ZBTB7C: variants seen among roughly 807,000 people sequenced by gnomAD.
ZBTB7C encodes zinc finger and BTB domain-containing protein 7C.
A neutral mutation model predicts 25.7 loss-of-function variants in ZBTB7C; 8 were observed. The observed-to-expected ratio is 0.31, with a 90% CI of 0.18 to 0.56. The LOEUF is 0.56. ZBTB7C is among the 20% of genes least tolerant of loss of function. ZBTB7C has a pLI of 0.91. For missense variants in ZBTB7C, 824 were observed against 855.2 expected, an observed-to-expected ratio of 0.96 and a Z score of 0.46; for synonymous variants, 394 against 369.0, an observed-to-expected ratio of 1.07 and a Z score of -0.78.
chr18:48,341,852 T>C (rs533531622), intron 1 of ZBTB7C, among the ~76,000 whole-genome samples: 1 of 152,324 alleles, frequency 6.6e-6, no homozygotes, highest in South Asian at 2.1e-4. Flanking sequence ...AAGTGTGATC[T>C]GGAGATGTTG....
At chr18:48,191,298 T>C (rs2042189139) in intron 2 of ZBTB7C, among the ~76,000 whole-genome samples, 1 of 152,192 alleles carries the variant, frequency 6.6e-6, no homozygotes, top group African/African-American at 2.4e-5. Context: ...GCCATGATGC[T>C]TGGTGGTTCA....
intron 4 of ZBTB7C, among the ~76,000 whole-genome samples, chr18:48,034,222 T>A (rs1382869963): frequency 1.3e-5 from 2 of 152,178 alleles, no homozygotes; most frequent in Admixed American, 1.3e-4. Context: ...CATGGCTTTC[T>A]GGGCTCTTCA....
chr18:48,378,626 C>CA (rs1412066948), intron 1 of ZBTB7C, among the ~76,000 whole-genome samples: 1 of 151,862 alleles, frequency 6.6e-6, no homozygotes, highest in African/African-American at 2.4e-5. Flanking sequence ...AAGAAAGCTT[C>CA]AAAATCAAAC....
intron 2 of ZBTB7C, among the ~76,000 whole-genome samples, chr18:48,326,510 A>T (rs1310029609): frequency 6.6e-6 from 1 of 152,210 alleles, no homozygotes; most frequent in African/African-American, 2.4e-5. Flanking sequence ...AAAGCAAAAA[A>T]ATTGGAAATG....
chr18:48,096,376 C>T (rs1222791790), intron 3 of ZBTB7C, among the ~76,000 whole-genome samples: 1 of 152,184 alleles, frequency 6.6e-6, no homozygotes, highest in Admixed American at 6.5e-5. Context: ...TCTTAATGCG[C>T]TTTCTGGGCA....
At chr18:48,196,366 T>C (rs1267150112) in intron 2 of ZBTB7C, among the ~76,000 whole-genome samples, 1 of 152,152 alleles carries the variant, frequency 6.6e-6, no homozygotes, top group Non-Finnish European at 1.5e-5. Flanking sequence ...GCAAACTAAC[T>C]TTACAGCTTT....
chr18:48,323,811 T>C (rs1381386021), intron 2 of ZBTB7C, among the ~76,000 whole-genome samples: 1 of 152,124 alleles, frequency 6.6e-6, no homozygotes, highest in East Asian at 1.9e-4. Flanking sequence ...AAACATCTAC[T>C]TATAACTGTA....
intron 2 of ZBTB7C, among the ~76,000 whole-genome samples, chr18:48,225,869 A>C (rs1250520666): frequency 2.0e-5 from 3 of 152,056 alleles, no homozygotes; most frequent in African/African-American, 7.2e-5. Context: ...CAGCCTCCCG[A>C]GTAGCTGGGA....
chr18:48,038,216 T>C (rs1460821329), intron 4 of ZBTB7C, among the ~76,000 whole-genome samples: 2 of 152,094 alleles, frequency 1.3e-5, no homozygotes, highest in African/African-American at 2.4e-5. Flanking sequence ...GCCGGGTGGC[T>C]GGCCTAGCTC....
chr18:48,221,786 A>T (rs747377627), intron 2 of ZBTB7C, among the ~76,000 whole-genome samples: 6 of 145,640 alleles, frequency 4.1e-5, no homozygotes, highest in Middle Eastern at 4.7e-3. Flanking sequence ...AGTTTCCTCT[A>T]TGCTGTCCCA....
intron 3 of ZBTB7C, among the ~76,000 whole-genome samples, chr18:48,140,580 G>A (rs896576297): frequency 6.6e-6 from 1 of 152,174 alleles, no homozygotes; most frequent in Non-Finnish European, 1.5e-5. Context: ...GTGGTTTGCT[G>A]ATGCATGCCT....
chr18:48,118,305 C>G (rs1216960065), intron 3 of ZBTB7C, among the ~76,000 whole-genome samples: 5 of 152,174 alleles, frequency 3.3e-5, no homozygotes, highest in Admixed American at 2.6e-4. Context: ...TGCCGCTAGC[C>G]TGATCAACCT....
chr18:48,128,023 C>A (rs112045838), intron 3 of ZBTB7C, among the ~76,000 whole-genome samples: 2 of 152,184 alleles, frequency 1.3e-5, no homozygotes, highest in Non-Finnish European at 2.9e-5. Context: ...TCTTTATGTT[C>A]GCTCCATTTG....
chr18:48,304,829 C>T (rs1406609959), intron 2 of ZBTB7C, among the ~76,000 whole-genome samples: 1 of 121,142 alleles, frequency 8.3e-6, no homozygotes, highest in African/African-American at 3.4e-5. Context: ...CAATGGGAGC[C>T]AGGCTCTACC....
intron 3 of ZBTB7C, among the ~76,000 whole-genome samples, chr18:48,141,141 G>GCCCCCCCCCCCCCC: frequency 1.1e-5 from 1 of 88,332 alleles, no homozygotes; most frequent in African/African-American, 4.3e-5. Flanking sequence ...CATCCCCCCC[G>GCCCCCCCCCCCCCC]CACCACCCCC....
chr18:48,027,039 T>C lies in ZBTB7C; in HGVS notation c.*2221A>G, dbSNP rs2035546767. 7.4e-6 allele frequency: 1 copy of C among 135,388 alleles called. No individual in the cohort carries two copies. The highest frequency in any genetic ancestry group is 2.8e-5 in the African/African-American group (1 of 35,760). 8.4% of individuals were successfully genotyped at this position (135,388 alleles called of 1,614,324 possible). A position where few individuals can be genotyped will look rare whatever the true frequency, so the allele number is the denominator to read the frequency against. ...TGTCATTTTACGTAGAGCAATCACA[T>C]AAAAAAAGAGTTATAAATAGAAAAA... On this transcript the variant is annotated 3_prime_UTR_variant, in exon 5 of 5. Coordinates refer to ENST00000590800, the MANE Select transcript of ZBTB7C (RefSeq NM_001318841.2).
In ZBTB7C at chr18:48,058,659, C is replaced by T. The variant is rs117765449; in HGVS notation, c.-16-17536G>A. Among the ~76,000 whole-genome samples, 247 of 152,286 alleles carry T rather than the reference C, an allele frequency of 1.6e-3. 4 individuals are homozygous for T. In the East Asian group the frequency reaches 0.042, roughly 26 times the overall value. On this transcript the variant is annotated intron_variant, in intron 3 of 4. Transcript: ENST00000590800. The stretch of plus-strand genomic sequence containing the variant: ...GAATGGCTCCCAAGGATCCTCACCT[C>T]GTGGTATTCATGCCCCGTGCAGTCC...
chr18:48,124,661 A>G (rs958877997), intron 3 of ZBTB7C, among the ~76,000 whole-genome samples: 1 of 152,080 alleles, frequency 6.6e-6, no homozygotes, highest in African/African-American at 2.4e-5. Context: ...GGTAGCTGAG[A>G]CCCAGGAATC....
At chr18:48,274,621 C>A (rs1311987494) in intron 2 of ZBTB7C, among the ~76,000 whole-genome samples, 1 of 152,218 alleles carries the variant, frequency 6.6e-6, no homozygotes, top group Non-Finnish European at 1.5e-5. Context: ...GGAAGTCACA[C>A]CTGACTCATC....
Sources: gnomAD v4.1 joint callset for allele counts (sites outside exome capture counted in the v4.1 genomes callset) on GRCh38, gnomAD v4.1.1 for gene constraint, MANE v1.5 for transcripts, NCBI Gene and HGNC (gene_info 2026-07-23, HGNC 2026-07-21) for gene names.